PDE7B: variants seen among roughly 807,000 people sequenced by gnomAD.
PDE7B encodes 3',5'-cyclic-AMP phosphodiesterase 7B.
PDE7B carries 29 observed loss-of-function variants against 56.2 expected under a neutral mutation model. The observed-to-expected ratio is 0.52, with a 90% CI of 0.38 to 0.70. The LOEUF is 0.70. PDE7B is among the 30% of genes least tolerant of loss of function. PDE7B has a pLI of 0.00. For synonymous variants in PDE7B, 197 were observed against 196.9 expected, an observed-to-expected ratio of 1.00 and a Z score of 0.00; for missense variants, 490 against 565.0, an observed-to-expected ratio of 0.87 and a Z score of 1.35.
At position 136,129,496 on chromosome 6, in the gene PDE7B, C is replaced by T. The variant is rs111945963; in HGVS notation, c.167-17855C>T. ...AGAGATTTCCTCCAACCACACCCCT[C>T]CCCACTCCCCACCCGAAGGCCACTG... On this transcript the variant is annotated intron_variant, in intron 3 of 12. Coordinates refer to ENST00000308191, the MANE Select transcript of PDE7B (RefSeq NM_018945.4). 9.7e-4 allele frequency among the ~76,000 whole-genome samples: 148 copies of T among 152,312 alleles called. 2 individuals carry two copies. Among genetic ancestry groups the T allele is most frequent in the African/African-American group, 3.3e-3 (139 of 41,578 alleles).
chr6:135,994,363 T>C lies in PDE7B; in HGVS notation c.82+46839T>C, dbSNP rs554924162. On this transcript the variant is annotated intron_variant, in intron 2 of 12. Coordinates refer to ENST00000308191, the MANE Select transcript of PDE7B (RefSeq NM_018945.4). ...GTTATATTACTAGAGGTGAAAAAAA[T>C]AGTATGGTTCTCCTCAACAGGGCTG... Among the ~76,000 whole-genome samples the C allele has an allele frequency of 2.0e-5, 3 of 152,212 alleles. No individual in the cohort carries two copies. In the East Asian group the frequency reaches 5.8e-4, roughly 29 times the overall value.
At chr6:136,158,341 GA>G (rs1273662841) in intron 8 of PDE7B, among the ~76,000 whole-genome samples, 1 of 152,016 alleles carries the variant, frequency 6.6e-6, no homozygotes, top group South Asian at 2.1e-4. Flanking sequence ...GGTAATGAAT[GA>G]AAAAAATATA....
intron 1 of PDE7B, among the ~76,000 whole-genome samples, chr6:135,945,458 TC>T (rs1397344213): frequency 1.4e-5 from 2 of 147,892 alleles, no homozygotes; most frequent in East Asian, 4.0e-4. Flanking sequence ...TTCTTTCTTT[TC>T]ATATCACTGA....
At chr6:135,870,692 A>T (rs1775362064) in intron 1 of PDE7B, among the ~76,000 whole-genome samples, 1 of 152,020 alleles carries the variant, frequency 6.6e-6, no homozygotes, top group Non-Finnish European at 1.5e-5. Flanking sequence ...TGTTTAGGAC[A>T]CATTCAGCTT....
At chr6:136,024,302 G>A (rs1315516086) in intron 2 of PDE7B, among the ~76,000 whole-genome samples, 1 of 152,148 alleles carries the variant, frequency 6.6e-6, no homozygotes, top group Non-Finnish European at 1.5e-5. Flanking sequence ...CAATAGTGAG[G>A]TAAAGGGCCC....
At chr6:136,005,232 A>G (rs1446858759) in intron 2 of PDE7B, among the ~76,000 whole-genome samples, 1 of 152,366 alleles carries the variant, frequency 6.6e-6, no homozygotes, top group African/African-American at 2.4e-5. Flanking sequence ...TAAATGTTAG[A>G]CCTAAAACCG....
At chr6:135,909,880 C>T (rs527339300) in intron 1 of PDE7B, among the ~76,000 whole-genome samples, 19 of 152,044 alleles carry the variant, frequency 1.2e-4, no homozygotes, top group African/African-American at 4.3e-4. Context: ...CCTCGGCAAA[C>T]GCAGGTGTGA....
At position 135,863,640 on chromosome 6, in the gene PDE7B, G is replaced by T. The variant is rs185252544; in HGVS notation, c.21+11621G>T. 3.9e-3 allele frequency among the ~76,000 whole-genome samples: 582 copies of T among 150,750 alleles called. 1 individual carries two copies. The highest frequency in any genetic ancestry group is 7.5e-3 in the South Asian group (36 of 4,774). On this transcript the variant is annotated intron_variant, in intron 1 of 12. Coordinates refer to ENST00000308191, the MANE Select transcript of PDE7B (RefSeq NM_018945.4). ...ATTCCTTATAAACAATTTTAGAACT[G>T]TTGTAACTTCCTGGCGAATTGAAAT... is the stretch of plus-strand genomic sequence containing the variant.
chr6:135,910,464 A>C (rs899520772), intron 1 of PDE7B, among the ~76,000 whole-genome samples: 1 of 152,188 alleles, frequency 6.6e-6, no homozygotes, highest in Non-Finnish European at 1.5e-5. Context: ...GGTTCACAGC[A>C]AAATTTGGAG....
intron 2 of PDE7B, among the ~76,000 whole-genome samples, chr6:136,022,695 G>A (rs1230764563): frequency 1.3e-5 from 2 of 152,206 alleles, no homozygotes; most frequent in Middle Eastern, 3.2e-3. Context: ...CACTGTGCAA[G>A]TGGGAGCCAT....
intron 11 of PDE7B, among the ~76,000 whole-genome samples, chr6:136,181,959 G>A (rs192895163): frequency 5.3e-5 from 8 of 152,248 alleles, no homozygotes; most frequent in African/African-American, 1.9e-4. Context: ...ATGTTGGGTG[G>A]GGTATCAACC....
chr6:136,125,805 G>A (rs960853183), intron 3 of PDE7B, among the ~76,000 whole-genome samples: 2 of 151,972 alleles, frequency 1.3e-5, no homozygotes, highest in Non-Finnish European at 2.9e-5. Flanking sequence ...GCTTCAGACA[G>A]GAACCCATTA....
intron 2 of PDE7B, among the ~76,000 whole-genome samples, chr6:135,969,828 G>A (rs1028635412): frequency 1.3e-5 from 2 of 152,242 alleles, no homozygotes; most frequent in East Asian, 3.9e-4. Context: ...TTAATGTACT[G>A]TATAATGGAA....
At chr6:135,869,185 G>A (rs956218787) in intron 1 of PDE7B, among the ~76,000 whole-genome samples, 1 of 152,018 alleles carries the variant, frequency 6.6e-6, no homozygotes, top group African/African-American at 2.4e-5. Flanking sequence ...TTAGGATTGG[G>A]GTGGATAGAG....
chr6:136,177,199 A>G (rs1030044827), intron 9 of PDE7B, among the ~76,000 whole-genome samples: 1 of 152,090 alleles, frequency 6.6e-6, no homozygotes, highest in African/African-American at 2.4e-5. Flanking sequence ...ACTGTGGTTC[A>G]TGCCTGTAAT....
At chr6:135,913,844 T>C (rs926324524) in intron 1 of PDE7B, among the ~76,000 whole-genome samples, 1 of 152,244 alleles carries the variant, frequency 6.6e-6, no homozygotes, top group Non-Finnish European at 1.5e-5. Flanking sequence ...TGTTACTTCA[T>C]GTTATCATTC....
chr6:136,140,993 C>T (rs948870499), intron 3 of PDE7B, among the ~76,000 whole-genome samples: 2 of 152,208 alleles, frequency 1.3e-5, no homozygotes, highest in African/African-American at 4.8e-5. Flanking sequence ...CCAGAACTTC[C>T]AACACTATGT....
chr6:135,990,347 C>T (rs1206019481), intron 2 of PDE7B, among the ~76,000 whole-genome samples: 1 of 152,132 alleles, frequency 6.6e-6, no homozygotes, highest in Non-Finnish European at 1.5e-5. Flanking sequence ...CTGCCTGCCT[C>T]ATTCCCCCAA....
Position 136,191,781 on chromosome 6 carries a change from G to A in PDE7B, c.1294G>A (p.Asp432Asn), listed in dbSNP as rs1779229368. Residue 432 changes from aspartate to asparagine, a missense_variant, in exon 13 of 13, where the codon GAC becomes AAC. By Grantham distance (23) the Asp-to-Asn change is conservative. Transcript: ENST00000308191. ...CAGGGGCAGCAGTGGCAGCGGGCCT[G>A]ACCACGACCACGCAGGCCAAGGGAC... is the stretch of plus-strand genomic sequence containing the variant. ...RSRGSSGSGP[D>N]HDHAGQGTES... The A allele has an allele frequency of 6.4e-7, 1 of 1,573,162 alleles. No individual in the cohort carries two copies. Among genetic ancestry groups the A allele is most frequent in the Non-Finnish European group, 8.6e-7 (1 of 1,159,922 alleles).
Sources: allele counts gnomAD v4.1 joint callset (sites outside exome capture counted in the v4.1 genomes callset), GRCh38; gene constraint gnomAD v4.1.1; transcripts MANE v1.5; gene names NCBI Gene and HGNC (gene_info 2026-07-23, HGNC 2026-07-21).